The following SPECC1 variants were observed in gnomAD, a reference collection of about 807,000 sequenced individuals.
The protein encoded by SPECC1 is sperm antigen with calponin homology and coiled-coil domains 1.
Under a neutral mutation model 104.1 loss-of-function variants are expected in SPECC1, and 62 were observed. That is an observed-to-expected ratio of 0.60 (90% CI 0.49 to 0.74). The LOEUF is 0.74. Among genes scored for constraint, SPECC1 ranks in the 30% least tolerant of loss-of-function variants. SPECC1 has a pLI of 0.00. For synonymous variants in SPECC1, 513 were observed against 501.6 expected, an observed-to-expected ratio of 1.02 and a Z score of -0.30; for missense variants, 1,306 against 1,310.5, an observed-to-expected ratio of 1.00 and a Z score of 0.05.
intron 12 of SPECC1, among the ~76,000 whole-genome samples, chr17:20,286,370 T>A (rs1323814081): frequency 6.6e-6 from 1 of 152,146 alleles, no homozygotes; most frequent in Non-Finnish European, 1.5e-5. Flanking sequence ...AACCTCTGAG[T>A]CTCAGATGAG....
chr17:20,078,022 A>G lies in SPECC1; in HGVS notation c.-21-18609A>G, dbSNP rs16960674. 6.7e-3 allele frequency among the ~76,000 whole-genome samples: 1,023 copies of G among 152,132 alleles called. 8 individuals carry two copies. The highest frequency in any genetic ancestry group is 0.023 in the African/African-American group (963 of 41,506). ...AAGTATTTGATGTAGGTAGATGTGT[A>G]GAGAAAGTATTTGAAGCATATATAG... On this transcript the variant is annotated intron_variant, in intron 1 of 14. Transcript: ENST00000395527.
In SPECC1 at chr17:20,204,375, G is replaced by C; in HGVS notation, c.326G>C (p.Arg109Pro). ...AAACGGACAGGCATTCCAGCCCCACGGGAATTTTCAGTAACTGTCTCAAGA... is the reference window on the plus strand; with the variant it reads ...AAACGGACAGGCATTCCAGCCCCACCGGAATTTTCAGTAACTGTCTCAAGA... ...TTKRTGIPAP[R>P]EFSVTVSRER... Residue 109 changes from arginine to proline, a missense_variant, in exon 4 of 15, where the codon CGG becomes CCG. Arg to Pro is a moderately radical substitution (Grantham distance 103). This residue lies in a region of SPECC1 where 1,177 missense variants were observed against 1,139.9 expected (regional missense o/e 1.03). Coordinates refer to ENST00000395527, the MANE Select transcript of SPECC1 (RefSeq NM_001243439.2). 6.2e-7 allele frequency: 1 copy of C among 1,613,804 alleles called. No homozygotes were observed. The highest frequency in any genetic ancestry group is 8.5e-7 in the Non-Finnish European group (1 of 1,179,928).
chr17:20,310,039 C>G (rs554063062), intron 14 of SPECC1, among the ~76,000 whole-genome samples: 1 of 152,124 alleles, frequency 6.6e-6, no homozygotes, highest in East Asian at 1.9e-4. Context: ...CCAGGCTGGT[C>G]TCAAACTCCT....
intron 12 of SPECC1, chr17:20,290,468 A>G (rs550188066): frequency 6.6e-6 from 1 of 152,040 alleles, no homozygotes; most frequent in South Asian, 2.1e-4. Context: ...AGTAGCTGCA[A>G]CTACAGACAT....
intron 13 of SPECC1, among the ~76,000 whole-genome samples, chr17:20,298,948 A>AGAGAGAGTGTGTGT: frequency 5.3e-4 from 26 of 49,072 alleles, no homozygotes; most frequent in African/African-American, 2.2e-3. Flanking sequence ...AGAGAGAGAG[A>AGAGAGAGTGTGTGT]GTGTGTGTGT....
intron 1 of SPECC1, among the ~76,000 whole-genome samples, chr17:20,090,145 T>C (rs2047341051): frequency 6.6e-6 from 1 of 152,210 alleles, no homozygotes; most frequent in South Asian, 2.1e-4. Flanking sequence ...CCATGGGAGC[T>C]GGGCAGGTTT....
intron 3 of SPECC1, among the ~76,000 whole-genome samples, chr17:20,113,144 G>GA (rs1371835213): frequency 6.6e-6 from 1 of 151,870 alleles, no homozygotes; most frequent in Non-Finnish European, 1.5e-5. Flanking sequence ...GTGCATAAGG[G>GA]AAAAAATTGA....
chr17:20,135,253 T>G (rs2049857931), intron 3 of SPECC1, among the ~76,000 whole-genome samples: 1 of 152,200 alleles, frequency 6.6e-6, no homozygotes. Context: ...GTACAGATGG[T>G]CAGAGTAGAA....
chr17:20,291,976 G>A (rs1258236317), intron 12 of SPECC1, among the ~76,000 whole-genome samples: 1 of 150,638 alleles, frequency 6.6e-6, no homozygotes, highest in African/African-American at 2.5e-5. Flanking sequence ...TTCCAGGCAG[G>A]GCAAGCACTT....
At chr17:20,057,453 C>CA (rs767851711) in intron 1 of SPECC1, among the ~76,000 whole-genome samples, 1 of 151,982 alleles carries the variant, frequency 6.6e-6, no homozygotes. Context: ...AACAAACAAA[C>CA]AACAACAACA....
intron 7 of SPECC1, chr17:20,237,828 C>T (rs954467545): frequency 1.3e-4 from 25 of 192,948 alleles, no homozygotes; most frequent in Admixed American, 1.9e-4. Context: ...TTGCAAGCTC[C>T]GCTTCCTGGG....
chr17:20,207,374 G>A (rs941200136), intron 4 of SPECC1, among the ~76,000 whole-genome samples: 19 of 152,204 alleles, frequency 1.2e-4, no homozygotes, highest in African/African-American at 4.1e-4. Context: ...AATTCCATTA[G>A]AGGTTACTAG....
At chr17:20,020,903 T>C (rs2044349542) in intron 1 of SPECC1, among the ~76,000 whole-genome samples, 1 of 152,160 alleles carries the variant, frequency 6.6e-6, no homozygotes, top group Admixed American at 6.5e-5. Context: ...GCCTGCACAG[T>C]TGAAAATCTG....
At chr17:20,123,125 G>A (rs1263968909) in intron 3 of SPECC1, among the ~76,000 whole-genome samples, 10 of 152,308 alleles carry the variant, frequency 6.6e-5, no homozygotes, top group African/African-American at 2.2e-4. Flanking sequence ...AGGAGTGAAC[G>A]TGGATCTCTT....
intron 1 of SPECC1, among the ~76,000 whole-genome samples, chr17:20,091,875 A>G (rs2047416833): frequency 6.6e-6 from 1 of 151,992 alleles, no homozygotes; most frequent in Non-Finnish European, 1.5e-5. Context: ...TTGCCTTTCT[A>G]TTTCTTGCCT....
intron 3 of SPECC1, among the ~76,000 whole-genome samples, chr17:20,131,325 G>A (rs1015232727): frequency 6.6e-6 from 1 of 152,014 alleles, no homozygotes; most frequent in African/African-American, 2.4e-5. Context: ...CTGAGTAGGT[G>A]GGATTACAGG....
rs535195580 is a variant in SPECC1, at chr17:20,031,023, C to T, written c.-22+21599C>T. Among the ~76,000 whole-genome samples the T allele has an allele frequency of 1.4e-4, 22 of 152,284 alleles. 1 individual carries two copies. The highest frequency in any genetic ancestry group is 1.1e-3 in the Admixed American group (17 of 15,298). On this transcript the variant is annotated intron_variant, in intron 1 of 14. Coordinates refer to ENST00000395527, the MANE Select transcript of SPECC1 (RefSeq NM_001243439.2). ...TGTTTTTGTTTTTTCGAGACAGAAT[C>T]TTGCTCTGTCGCCCAGGCTGGAATT...
In SPECC1 at chr17:20,317,008, G is replaced by A. The variant is rs1432437691; in HGVS notation, c.*2943G>A. 1 of 207,758 alleles carries A rather than the reference G, an allele frequency of 4.8e-6. No homozygotes were observed. Among genetic ancestry groups the A allele is most frequent in the Admixed American group, 6.0e-5 (1 of 16,794 alleles). The allele number at this position is 207,758 out of a possible 1,614,324, so 12.9% of individuals were successfully genotyped here. A position where few individuals can be genotyped will look rare whatever the true frequency, so the allele number is the denominator to read the frequency against. On this transcript the variant is annotated 3_prime_UTR_variant, in exon 15 of 15. Transcript: ENST00000395527. ...AAAAAGAAGGAAAGAAACATGAAAGGCCATGTACAATTTATTTTTACAACT... is the reference window on the plus strand; with the variant it reads ...AAAAAGAAGGAAAGAAACATGAAAGACCATGTACAATTTATTTTTACAACT...
At chr17:20,013,602 A>G (rs2044015141) in intron 1 of SPECC1, among the ~76,000 whole-genome samples, 1 of 152,108 alleles carries the variant, frequency 6.6e-6, no homozygotes. Context: ...TTCGGGTTCA[A>G]ACGATTCTCC....
Sources: allele counts gnomAD v4.1 joint callset (sites outside exome capture counted in the v4.1 genomes callset), GRCh38; gene constraint gnomAD v4.1.1; regional missense constraint gnomAD v4.1.1; transcripts MANE v1.5; gene names NCBI Gene and HGNC (gene_info 2026-07-23, HGNC 2026-07-21).